Variants in MIPOL1 observed in about 807,000 individuals in gnomAD.
MIPOL1 encodes the protein mirror-image polydactyly gene 1 protein.
Under a neutral mutation model 60.9 loss-of-function variants are expected in MIPOL1, and 57 were observed. The observed-to-expected ratio is 0.94, with a 90% confidence interval of 0.76 to 1.17. MIPOL1 has a LOEUF of 1.17. MIPOL1 is among the 50% of genes most tolerant of loss of function. The pLI is 0.00. For missense variants in MIPOL1, 551 were observed against 511.6 expected, an observed-to-expected ratio of 1.08 and a Z score of -0.74; for synonymous variants, 179 against 168.8, an observed-to-expected ratio of 1.06 and a Z score of -0.47.
chr14:37,233,134 CT>C (rs1183930412), intron 1 of MIPOL1, among the ~76,000 whole-genome samples: 2 of 152,146 alleles, frequency 1.3e-5, no homozygotes, highest in Admixed American at 6.5e-5. Flanking sequence ...TGATGAAATG[CT>C]ACTGAAAACA....
intron 12 of MIPOL1, chr14:37,506,402 G>GTA (rs554070343): frequency 2.0e-5 from 3 of 151,966 alleles, no homozygotes; most frequent in Non-Finnish European, 4.4e-5. Context: ...CAAAACAGAG[G>GTA]TATAGATCAA....
chr14:37,397,170 C>T (rs2093387483), intron 10 of MIPOL1, among the ~76,000 whole-genome samples: 2 of 152,024 alleles, frequency 1.3e-5, no homozygotes, highest in Non-Finnish European at 2.9e-5. Context: ...ACGGGGTGTC[C>T]CTTGATGTAG....
At chr14:37,499,750 A>G (rs902097797) in intron 11 of MIPOL1, among the ~76,000 whole-genome samples, 158 bp from the exon 12 acceptor site, 6 of 152,200 alleles carry the variant, frequency 3.9e-5, no homozygotes, top group Admixed American at 6.5e-5. Flanking sequence ...AGAAATTATC[A>G]ATTATAATGT....
intron 1 of MIPOL1, among the ~76,000 whole-genome samples, chr14:37,201,653 G>A (rs571783504): frequency 3.3e-5 from 5 of 152,146 alleles, no homozygotes; most frequent in Non-Finnish European, 7.4e-5. Context: ...GCTCAACTGT[G>A]ACACCTCTTC....
intron 7 of MIPOL1, among the ~76,000 whole-genome samples, chr14:37,306,180 C>T (rs1476218639): frequency 1.3e-5 from 2 of 151,924 alleles, no homozygotes; most frequent in Admixed American, 6.6e-5. Context: ...TTGAACTCTT[C>T]ATCTTCCTCT....
intron 9 of MIPOL1, among the ~76,000 whole-genome samples, chr14:37,328,924 G>C (rs1299468138): frequency 6.6e-6 from 1 of 152,034 alleles, no homozygotes; most frequent in Admixed American, 6.6e-5. Flanking sequence ...GGAAATAAAG[G>C]GATTAGGCTT....
chr14:37,450,204 G>T (rs1047525656), intron 11 of MIPOL1, among the ~76,000 whole-genome samples: 3 of 151,844 alleles, frequency 2.0e-5, no homozygotes, highest in African/African-American at 4.8e-5. Context: ...CTCCCTTTAC[G>T]CCAGGGCAGT....
chr14:37,482,175 A>C (rs190644598), intron 11 of MIPOL1, among the ~76,000 whole-genome samples: 9 of 152,342 alleles, frequency 5.9e-5, no homozygotes, highest in Admixed American at 3.9e-4. Context: ...TGGAAACCAT[A>C]CATCTGATAA....
At chr14:37,380,596 T>C (rs1399337569) in intron 10 of MIPOL1, among the ~76,000 whole-genome samples, 3 of 152,130 alleles carry the variant, frequency 2.0e-5, no homozygotes. Context: ...TGTGAGAAAT[T>C]TCTGTGGAGA....
At chr14:37,350,531 T>C (rs12717263) in intron 9 of MIPOL1, among the ~76,000 whole-genome samples, 147,849 of 152,228 alleles carry the variant, frequency 0.97, 71,852 homozygotes, top group East Asian at 1. Flanking sequence ...AGGCATGCAA[T>C]AATCTTGGGG....
chr14:37,224,565 C>T (rs1197605020), intron 1 of MIPOL1, among the ~76,000 whole-genome samples: 1 of 152,128 alleles, frequency 6.6e-6, no homozygotes, highest in South Asian at 2.1e-4. Context: ...GAGACTTATT[C>T]ACTACAACTG....
chr14:37,213,091 A>G (rs1334355238), intron 1 of MIPOL1, among the ~76,000 whole-genome samples: 1 of 152,182 alleles, frequency 6.6e-6, no homozygotes, highest in Non-Finnish European at 1.5e-5. Context: ...AGCCTTCCCA[A>G]GAAGGACAGC....
At chr14:37,416,453 G>C (rs1342431220) in intron 10 of MIPOL1, among the ~76,000 whole-genome samples, 1 of 152,104 alleles carries the variant, frequency 6.6e-6, no homozygotes, top group Non-Finnish European at 1.5e-5. Context: ...AGGTTATATG[G>C]TGTAGCCTAT....
chr14:37,315,896 G>A (rs1342857215), intron 9 of MIPOL1, among the ~76,000 whole-genome samples: 1 of 152,094 alleles, frequency 6.6e-6, no homozygotes. Context: ...TCAACATTTA[G>A]CAGTTGGGCA....
At chr14:37,282,841 T>C (rs2084237917) in intron 6 of MIPOL1, among the ~76,000 whole-genome samples, 1 of 151,790 alleles carries the variant, frequency 6.6e-6, no homozygotes, top group African/African-American at 2.4e-5. Context: ...AGCATGGATC[T>C]AATTAGCCAG....
At chr14:37,333,513 A>G (rs2089892295) in intron 9 of MIPOL1, among the ~76,000 whole-genome samples, 1 of 152,012 alleles carries the variant, frequency 6.6e-6, no homozygotes, top group Non-Finnish European at 1.5e-5. Flanking sequence ...TAAGAAGCAT[A>G]CTTGAGACAA....
intron 12 of MIPOL1, among the ~76,000 whole-genome samples, chr14:37,524,258 A>T (rs1405234224): frequency 1.3e-5 from 2 of 152,184 alleles, no homozygotes; most frequent in Admixed American, 1.3e-4. Flanking sequence ...AGGAAGTAAT[A>T]GAACTGATGA....
Position 37,240,940 on chromosome 14 carries a change from T to TACACAC in MIPOL1, c.-198-6139_-198-6134dup, listed in dbSNP as rs10554089. Among the ~76,000 whole-genome samples the TACACAC allele has an allele frequency of 5.5e-4, 81 of 146,088 alleles. 1 individual carries two copies. Among genetic ancestry groups the TACACAC allele is most frequent in the African/African-American group, 1.7e-3 (68 of 40,298 alleles). ...TACCAGTAGGTGACACACACACACA[T>TACACAC]ACACACACACACACACACACACACA... On this transcript the variant is annotated intron_variant, in intron 1 of 12. Transcript: ENST00000684589.
At chr14:37,460,381 A>G (rs962728885) in intron 11 of MIPOL1, among the ~76,000 whole-genome samples, 2 of 152,196 alleles carry the variant, frequency 1.3e-5, no homozygotes, top group Admixed American at 6.5e-5. Flanking sequence ...AATAAGAGCC[A>G]TATACAACAG....
Sources: gnomAD v4.1 joint callset for allele counts (sites outside exome capture counted in the v4.1 genomes callset) on GRCh38, gnomAD v4.1.1 for gene constraint, MANE v1.5 for transcripts, NCBI Gene and HGNC (gene_info 2026-07-23, HGNC 2026-07-21) for gene names.